MAX: variants seen among roughly 807,000 people sequenced by gnomAD.
MAX encodes the protein protein max.
In MAX, 3 loss-of-function variants were observed where a neutral mutation model predicts 22.3. The observed-to-expected ratio is 0.13, with a 90% confidence interval of 0.06 to 0.35. The LOEUF is 0.35. Ranked by LOEUF, MAX falls within the 10% of genes least tolerant of loss-of-function variation. The pLI is 1.00. For missense variants in MAX, 119 were observed against 209.4 expected (o/e 0.57, Z 2.66); for synonymous variants, 72 against 77.7 (o/e 0.93, Z 0.39).
chr14:65,100,884 T>C (rs2063811462), intron 2 of MAX, among the ~76,000 whole-genome samples: 1 of 152,250 alleles, frequency 6.6e-6, no homozygotes, highest in Non-Finnish European at 1.5e-5. Context: ...GATAACACTC[T>C]ATGGTCTCAT....
At chr14:65,041,894 A>C (rs1236071060) in intron 3 of MAX, among the ~76,000 whole-genome samples, 3 of 152,234 alleles carry the variant, frequency 2.0e-5, no homozygotes. Flanking sequence ...GAATGTGATT[A>C]GGGAGTGCCT....
In MAX at chr14:65,009,766, T is replaced by C. The variant is rs1373224437; in HGVS notation, c.172-3482A>G. Among the ~76,000 whole-genome samples, 2 of 152,214 alleles carry C rather than the reference T, an allele frequency of 1.3e-5. No homozygotes were observed. Among genetic ancestry groups the C allele is most frequent in the Non-Finnish European group, 2.9e-5 (2 of 68,040 alleles). ...ATGGTGTTTTCTTCATTTTGCCTGC[T>C]TAACTCATGTCTTTCCAGCCTTAAA... On this transcript the variant is annotated intron_variant, in intron 3 of 3. Coordinates refer to the MAX transcript ENST00000341653. The surrounding 1 kb of genome is among the most constrained non-coding windows in gnomAD (Gnocchi z 4.2).
intron 3 of MAX, chr14:65,061,232 A>G (rs374684226): frequency 7.6e-5 from 123 of 1,614,068 alleles, no homozygotes; most frequent in Non-Finnish European, 3.8e-5. Context: ...GATCCAGGCC[A>G]CTACATACTT....
rs10142987 is a variant in MAX, at chr14:65,058,270, G to T, written c.171+35438C>A. On this transcript the variant is annotated intron_variant, in intron 3 of 3. Transcript: ENST00000341653. Reference sequence around the variant, plus strand: ...AAAGGACTAGCATTTTTTTTTTTTCGGTTAGAGTTATGTCTAATTTACAGT... The same window carrying T: ...AAAGGACTAGCATTTTTTTTTTTTCTGTTAGAGTTATGTCTAATTTACAGT... Among the ~76,000 whole-genome samples the T allele has an allele frequency of 5.3e-4, 76 of 142,482 alleles. 2 individuals are homozygous for T. In the East Asian group the frequency reaches 0.012, roughly 23 times the overall value. The allele number at this position is 142,482 out of a possible 152,430, so 93.5% of individuals were successfully genotyped here.
At position 65,023,477 on chromosome 14, in the gene MAX, C is replaced by T. The variant is rs1280598059; in HGVS notation, c.172-17193G>A. ...GAACTTGACCCTCTTACAAGATTTACATACTCTTTAATGATGGAATGATAA... is the reference window on the plus strand; with the variant it reads ...GAACTTGACCCTCTTACAAGATTTATATACTCTTTAATGATGGAATGATAA... On this transcript the variant is annotated intron_variant, in intron 3 of 3. Coordinates refer to the MAX transcript ENST00000341653. The surrounding 1 kb of genome is among the most constrained non-coding windows in gnomAD (Gnocchi z 4.1). Among the ~76,000 whole-genome samples, 1 of 152,212 alleles carries T rather than the reference C, an allele frequency of 6.6e-6. No individual in the cohort carries two copies. The highest frequency in any genetic ancestry group is 1.5e-5 in the Non-Finnish European group (1 of 68,034).
Position 65,084,870 on chromosome 14 carries a change from C to T in MAX, c.172-6834G>A, listed in dbSNP as rs2063287167. On this transcript the variant is annotated intron_variant, in intron 3 of 4. Coordinates refer to ENST00000358664, the MANE Select transcript of MAX (RefSeq NM_002382.5). This position sits in a 1 kb window ranked among gnomAD's most constrained non-coding sequence, Gnocchi z 4.3. ...GCTTGTTAGACTCCATCAATAAATC[C>T]ATGGATTGAACAATAGCAGCTTTTG... Among the ~76,000 whole-genome samples the T allele has an allele frequency of 6.6e-6, 1 of 152,124 alleles. No individual in the cohort carries two copies. The highest frequency in any genetic ancestry group is 1.5e-5 in the Non-Finnish European group (1 of 68,020).
chr14:65,081,784 A>T (rs1034701319), intron 3 of MAX, among the ~76,000 whole-genome samples: 1 of 152,172 alleles, frequency 6.6e-6, no homozygotes, highest in Non-Finnish European at 1.5e-5. Context: ...GGCTCTTTAA[A>T]TGGCTTGGAT....
rs2062063501 is a variant in MAX at position 65,030,690 on chromosome 14, T to C, written c.172-24406A>G. On this transcript the variant is annotated intron_variant, in intron 3 of 3. Transcript: ENST00000341653. The surrounding 1 kb of genome is among the most constrained non-coding windows in gnomAD (Gnocchi z 4.5). ...AGGAGTTTGAGGTTGCAGTGAGCCA[T>C]GATAGCGCCACTGCACTGCAGCCTG... is the stretch of plus-strand genomic sequence containing the variant. 6.6e-6 allele frequency among the ~76,000 whole-genome samples: 1 copy of C among 151,546 alleles called. No individual in the cohort carries two copies. The highest frequency in any genetic ancestry group is 6.6e-5 in the Admixed American group (1 of 15,198).
intron 3 of MAX, among the ~76,000 whole-genome samples, chr14:65,092,941 T>C (rs1238348105): frequency 1.3e-5 from 2 of 152,206 alleles, no homozygotes; most frequent in African/African-American, 4.8e-5. Flanking sequence ...TCCAATGAAT[T>C]GCTACAGACA....
Position 65,012,721 on chromosome 14 carries a change from C to G in MAX, c.172-6437G>C, listed in dbSNP as rs527733413. ...ACCTGTTCACCCTTAACCCTTTGCC[C>G]TATAAGCTGATCTAATTTCTCGCTC... On this transcript the variant is annotated intron_variant, in intron 3 of 3. Transcript: ENST00000341653. The surrounding 1 kb of genome is among the most constrained non-coding windows in gnomAD (Gnocchi z 5.0). Among the ~76,000 whole-genome samples, 1 of 152,340 alleles carries G rather than the reference C, an allele frequency of 6.6e-6. No individual in the cohort carries two copies. The highest frequency in any genetic ancestry group is 2.1e-4 in the South Asian group (1 of 4,828).
intron 3 of MAX, chr14:65,053,381 G>A (rs758037610): frequency 1.2e-5 from 17 of 1,382,756 alleles, no homozygotes; most frequent in Admixed American, 2.9e-5. Flanking sequence ...AGGGAAGGGA[G>A]AGGGGAGGAG....
chr14:65,078,101 C>G lies in MAX; in HGVS notation c.172-65G>C. 1.2e-6 allele frequency: 2 copies of G among 1,605,716 alleles called. No individual in the cohort carries two copies. The highest frequency in any genetic ancestry group is 1.7e-6 in the Non-Finnish European group (2 of 1,173,322). Reference sequence around the variant, plus strand: ...AACCCAATCCAGGCAGTGAGGGAACCTGGCCTGCAGCAACTGCTTGGGTGG... The same window carrying G: ...AACCCAATCCAGGCAGTGAGGGAACGTGGCCTGCAGCAACTGCTTGGGTGG... On this transcript the variant is annotated intron_variant, in intron 3 of 4. Coordinates refer to ENST00000358664, the MANE Select transcript of MAX (RefSeq NM_002382.5). This position sits in a 1 kb window ranked among gnomAD's most constrained non-coding sequence, Gnocchi z 6.4.
chr14:65,098,680 C>T (rs546119785), intron 2 of MAX, among the ~76,000 whole-genome samples: 2 of 152,294 alleles, frequency 1.3e-5, no homozygotes, highest in Admixed American at 6.5e-5. Flanking sequence ...ATAAAAATAA[C>T]ATCAGTGGGA....
chr14:65,053,151 C>T (rs2139673975), intron 3 of MAX: 8 of 1,066,474 alleles, frequency 7.5e-6, no homozygotes, highest in Non-Finnish European at 9.8e-6. Context: ...GAAACCTTGA[C>T]TATTCCCCCA....
intron 3 of MAX, chr14:65,090,356 T>C (rs1366296335): frequency 6.6e-6 from 1 of 152,164 alleles, no homozygotes; most frequent in Non-Finnish European, 1.5e-5. Flanking sequence ...ATAGTGATCT[T>C]GAGCCTGTTA....
At chr14:65,064,732 C>T (rs1385762895) in intron 3 of MAX, among the ~76,000 whole-genome samples, 2 of 152,202 alleles carry the variant, frequency 1.3e-5, no homozygotes, top group Non-Finnish European at 2.9e-5. Flanking sequence ...ATTAGAAGCA[C>T]GTAGTTTTTG....
intron 3 of MAX, chr14:65,090,438 G>A (rs973875737): frequency 6.6e-6 from 1 of 152,144 alleles, no homozygotes; most frequent in African/African-American, 2.4e-5. Context: ...TACAACTGCT[G>A]TGTGGATTTA....
Position 65,054,714 on chromosome 14 carries a change from C to A in MAX, c.171+38994G>T, listed in dbSNP as rs747276105. On this transcript the variant is annotated intron_variant, in intron 3 of 3. Coordinates refer to the MAX transcript ENST00000341653. This position sits in a 1 kb window ranked among gnomAD's most constrained non-coding sequence, Gnocchi z 4.4. The stretch of plus-strand genomic sequence containing the variant: ...GGTAAGACGGGTGCAGGGCTTCACA[C>A]CCCTTCTCCACAGGGACCTCGCGGA... 1 of 1,585,966 alleles carries A rather than the reference C, an allele frequency of 6.3e-7. No individual in the cohort carries two copies. Among genetic ancestry groups the A allele is most frequent in the South Asian group, 1.1e-5 (1 of 87,360 alleles).
At chr14:65,086,095 C>G (rs956629285) in intron 3 of MAX, among the ~76,000 whole-genome samples, 15 of 152,174 alleles carry the variant, frequency 9.9e-5, no homozygotes, top group African/African-American at 3.1e-4. Context: ...GTTCTCTTCG[C>G]CTGCTGCCAT....
Sources: allele counts gnomAD v4.1 joint callset (sites outside exome capture counted in the v4.1 genomes callset), GRCh38; gene constraint gnomAD v4.1.1; non-coding constraint Gnocchi (gnomAD v3.1); transcripts MANE v1.5; gene names NCBI Gene and HGNC (gene_info 2026-07-23, HGNC 2026-07-21).